The following PTPN9 variants were observed in gnomAD, a reference collection of about 807,000 sequenced individuals.
The protein encoded by PTPN9 is protein tyrosine phosphatase non-receptor type 9.
A neutral mutation model predicts 69.8 loss-of-function variants in PTPN9; 26 were observed. The ratio of observed to expected loss-of-function variants is 0.37; its 90% CI spans 0.27 to 0.52. The LOEUF (loss-of-function observed/expected upper bound fraction) is 0.52, where lower values mean the gene tolerates loss of function less well. PTPN9 is among the 20% of genes least tolerant of loss of function. PTPN9 has a pLI of 0.91. For synonymous variants in PTPN9, 274 were observed against 272.5 expected, an observed-to-expected ratio of 1.01 and a Z score of -0.05; for missense variants, 549 against 740.3, an observed-to-expected ratio of 0.74 and a Z score of 3.00.
chr15:75,528,754 G>A (rs1055267948), intron 1 of PTPN9, among the ~76,000 whole-genome samples: 1 of 146,018 alleles, frequency 6.8e-6, no homozygotes, highest in Admixed American at 7.0e-5. Context: ...AGACTGCAGT[G>A]CAGTGGCACA....
chr15:75,529,453 C>T (rs1448953151), intron 1 of PTPN9, among the ~76,000 whole-genome samples: 1 of 152,132 alleles, frequency 6.6e-6, no homozygotes, highest in African/African-American at 2.4e-5. Context: ...ACAGTTATGA[C>T]TTATTTATTC....
chr15:75,562,020 T>C (rs192830987), intron 1 of PTPN9, among the ~76,000 whole-genome samples: 8 of 152,210 alleles, frequency 5.3e-5, no homozygotes, highest in Non-Finnish European at 4.4e-5. Context: ...TTTATTATTA[T>C]TATTATTACT....
At chr15:75,561,142 C>G (rs951355389) in intron 1 of PTPN9, among the ~76,000 whole-genome samples, 1 of 151,680 alleles carries the variant, frequency 6.6e-6, no homozygotes, top group African/African-American at 2.4e-5. Context: ...ATGGTGAAAC[C>G]TTATCTATAT....
At position 75,473,758 on chromosome 15, in the gene PTPN9, T is replaced by C. The variant is rs2074581226; in HGVS notation, c.1139A>G (p.Glu380Gly). The change falls in exon 10 of 13, where the codon GAG becomes GGG. Residue 380 changes from glutamate to glycine, a missense_variant. Around this residue, in one of 3 missense-constraint regions of PTPN9, gnomAD observed 457 missense variants for 661.9 expected, o/e 0.69. Transcript: ENST00000618819. Reference sequence around the variant, plus strand: ...GAGCCAGAAATCACGATAGGTATTCTCCAAAGGACCTGAAATAAAAGGAGA... The same window carrying C: ...GAGCCAGAAATCACGATAGGTATTCCCCAAAGGACCTGAAATAAAAGGAGA... ...NAYIGTQGPL[E>G]NTYRDFWLMV... The C allele has an allele frequency of 6.4e-7, 1 of 1,573,762 alleles. No homozygotes were observed. The highest frequency in any genetic ancestry group is 1.7e-5 in the Admixed American group (1 of 59,904).
chr15:75,568,556 T>A (rs1595972925), intron 1 of PTPN9, among the ~76,000 whole-genome samples: 1 of 141,828 alleles, frequency 7.1e-6, no homozygotes, highest in Admixed American at 7.1e-5. Context: ...TAATGCTGGA[T>A]GGACACAGTG....
chr15:75,567,193 T>C (rs1477033375), intron 1 of PTPN9, among the ~76,000 whole-genome samples: 1 of 152,080 alleles, frequency 6.6e-6, no homozygotes, highest in Non-Finnish European at 1.5e-5. Context: ...TTTCTTTGTA[T>C]TTTTAGTAGA....
At chr15:75,523,002 A>G (rs1215995087) in intron 4 of PTPN9, 119 bp downstream of exon 4, 2 of 1,193,264 alleles carry the variant, frequency 1.7e-6, no homozygotes, top group Admixed American at 4.5e-5. Context: ...TTCTATTCAT[A>G]GCATTGCCCA....
intron 8 of PTPN9, among the ~76,000 whole-genome samples, chr15:75,483,511 A>G (rs1038069522): frequency 6.6e-6 from 1 of 152,232 alleles, no homozygotes; most frequent in African/African-American, 2.4e-5. Flanking sequence ...TAGAACAGGC[A>G]AATCTATGGA....
At chr15:75,567,430 C>T (rs1253577915) in intron 1 of PTPN9, among the ~76,000 whole-genome samples, 1 of 151,998 alleles carries the variant, frequency 6.6e-6, no homozygotes, top group East Asian at 1.9e-4. Flanking sequence ...AAAACAAATG[C>T]AAAGGTAAAG....
intron 1 of PTPN9, among the ~76,000 whole-genome samples, chr15:75,559,432 ATTC>A (rs750719181): frequency 6.6e-6 from 1 of 152,204 alleles, no homozygotes; most frequent in Non-Finnish European, 1.5e-5. Context: ...GCTGGGAGGA[ATTC>A]TTCTGCCTTG....
At chr15:75,506,048 A>G in intron 6 of PTPN9, 45 bp from the exon 7 acceptor site, 1 of 1,402,628 alleles carries the variant, frequency 7.1e-7, no homozygotes, top group African/African-American at 1.4e-5. Flanking sequence ...GAGGAGGGAA[A>G]GGCATATAGA....
chr15:75,503,660 G>A (rs1308495842), intron 7 of PTPN9, among the ~76,000 whole-genome samples: 2 of 101,008 alleles, frequency 2.0e-5, no homozygotes, highest in African/African-American at 7.5e-5. Flanking sequence ...CTGCCCAGCC[G>A]CCCCTACTGG....
At chr15:75,577,669 T>C (rs1422621116) in intron 1 of PTPN9, among the ~76,000 whole-genome samples, 2 of 152,230 alleles carry the variant, frequency 1.3e-5, no homozygotes, top group Admixed American at 1.3e-4. Context: ...GTCTTCACAC[T>C]AGAGGCTGTG....
intron 1 of PTPN9, among the ~76,000 whole-genome samples, chr15:75,537,545 A>T (rs2141328254): frequency 7.1e-6 from 1 of 141,122 alleles, no homozygotes; most frequent in Middle Eastern, 3.7e-3. Context: ...TGAGGTTAAG[A>T]GATCAAGACC....
At chr15:75,471,530 G>T (rs2074565093) in intron 10 of PTPN9, among the ~76,000 whole-genome samples, 2 of 149,338 alleles carry the variant, frequency 1.3e-5, no homozygotes, top group African/African-American at 2.5e-5. Flanking sequence ...TTGAATCCAG[G>T]AGGTTGAGAC....
intron 1 of PTPN9, among the ~76,000 whole-genome samples, chr15:75,571,053 A>G (rs2075146118): frequency 6.6e-6 from 1 of 152,152 alleles, no homozygotes; most frequent in Non-Finnish European, 1.5e-5. Context: ...TGAGGTCAGG[A>G]GTTTGAGACC....
chr15:75,480,615 G>C (rs975826352), intron 8 of PTPN9: 86 of 1,155,170 alleles, frequency 7.4e-5, no homozygotes, highest in Non-Finnish European at 8.8e-5. Flanking sequence ...GCAGTGCGGA[G>C]CCGGGACAGT....
At position 75,505,796 on chromosome 15, in the gene PTPN9, G is replaced by T. The variant is rs1028996748; in HGVS notation, c.847C>A (p.Pro283Thr). ...LDWDSVHVPG[P>T]HAMTIQELVD... ...AACTCTTGGATGGTCATAGCATGGG[G>T]ACCTGGAACATGTACTGAGTCCCAG... Residue 283 changes from proline to threonine, a missense_variant, in exon 7 of 13, where the codon CCC (proline) becomes ACC (threonine). By Grantham distance (38) the Pro-to-Thr change is conservative. Around this residue, in one of 3 missense-constraint regions of PTPN9, gnomAD observed 457 missense variants for 661.9 expected, o/e 0.69. Coordinates refer to ENST00000618819, the MANE Select transcript of PTPN9 (RefSeq NM_002833.4). The T allele has an allele frequency of 7.4e-6, 12 of 1,614,080 alleles. No homozygotes were observed. Among genetic ancestry groups the T allele is most frequent in the Non-Finnish European group, 1.0e-5 (12 of 1,179,962 alleles).
intron 8 of PTPN9, among the ~76,000 whole-genome samples, chr15:75,482,741 C>A (rs1330875996): frequency 1.3e-5 from 2 of 151,312 alleles, no homozygotes; most frequent in Non-Finnish European, 2.9e-5. Context: ...CCTGCCAAAT[C>A]CCCCTCTGTG....
Sources: gnomAD v4.1 joint callset for allele counts (sites outside exome capture counted in the v4.1 genomes callset) on GRCh38, gnomAD v4.1.1 for gene constraint, gnomAD v4.1.1 regional missense constraint, MANE v1.5 for transcripts, NCBI Gene and HGNC (gene_info 2026-07-23, HGNC 2026-07-21) for gene names.